The following ERBIN variants were observed in gnomAD, a reference collection of about 807,000 sequenced individuals.
ERBIN encodes densin-180-like protein.
ERBIN carries 60 observed loss-of-function variants against 158.4 expected under a neutral mutation model. The observed-to-expected ratio is 0.38, with a 90% CI of 0.31 to 0.47. ERBIN has a LOEUF of 0.47. Among genes scored for constraint, ERBIN ranks in the 20% least tolerant of loss-of-function variants. The probability of loss-of-function intolerance (pLI) is 0.99; values close to 1 mark genes in which losing one functional copy is unlikely to be tolerated. For missense variants in ERBIN, 1,610 were observed against 1,648.0 expected (o/e 0.98, Z 0.40); for synonymous variants, 594 against 557.2 (o/e 1.07, Z -0.93).
At chr5:65,947,013 A>G (rs1469427545) in intron 1 of ERBIN, among the ~76,000 whole-genome samples, 2 of 150,726 alleles carry the variant, frequency 1.3e-5, no homozygotes, top group Non-Finnish European at 2.9e-5. Flanking sequence ...CCGTTTTTGG[A>G]TATATAGTTT....
intron 4 of ERBIN, among the ~76,000 whole-genome samples, chr5:65,997,957 T>C (rs547967678): frequency 6.6e-6 from 1 of 151,926 alleles, no homozygotes; most frequent in Admixed American, 6.5e-5. Context: ...CAAAGTTATG[T>C]TGGCTCACGC....
chr5:66,062,089 T>C (rs1580509629), intron 21 of ERBIN, among the ~76,000 whole-genome samples: 1 of 152,082 alleles, frequency 6.6e-6, no homozygotes, highest in East Asian at 1.9e-4. Flanking sequence ...GAATGTTGGC[T>C]TGCCTTGCTA....
At chr5:65,962,627 T>G (rs1748048404) in intron 1 of ERBIN, among the ~76,000 whole-genome samples, 1 of 152,190 alleles carries the variant, frequency 6.6e-6, no homozygotes, top group South Asian at 2.1e-4. Flanking sequence ...TATCTTAAAT[T>G]ATTTTCCCCC....
intron 1 of ERBIN, among the ~76,000 whole-genome samples, chr5:65,934,099 T>G (rs1451029193): frequency 6.6e-6 from 1 of 152,184 alleles, no homozygotes; most frequent in Non-Finnish European, 1.5e-5. Flanking sequence ...GGTTTCACCG[T>G]GTTAGCCAGG....
chr5:65,929,381 G>C (rs985476151), intron 1 of ERBIN, among the ~76,000 whole-genome samples: 1 of 152,064 alleles, frequency 6.6e-6, no homozygotes, highest in African/African-American at 2.4e-5. Flanking sequence ...CTTTTGTTTT[G>C]GAAATAGATT....
At chr5:66,043,835 T>C (rs1389550717) in intron 16 of ERBIN, among the ~76,000 whole-genome samples, 1 of 152,172 alleles carries the variant, frequency 6.6e-6, no homozygotes, top group Non-Finnish European at 1.5e-5. Flanking sequence ...CTGAAAAATG[T>C]GTATCTGTTT....
At chr5:65,983,502 G>C (rs2151021964) in intron 1 of ERBIN, among the ~76,000 whole-genome samples, 1 of 151,734 alleles carries the variant, frequency 6.6e-6, no homozygotes, top group East Asian at 1.9e-4. Flanking sequence ...ATCAGTAAGG[G>C]GTTAATAATG....
intron 15 of ERBIN, among the ~76,000 whole-genome samples, chr5:66,042,696 T>C (rs1758028994): frequency 6.6e-6 from 1 of 152,130 alleles, no homozygotes; most frequent in South Asian, 2.1e-4. Flanking sequence ...AAGAACTTAG[T>C]ATATAATCCA....
intron 3 of ERBIN, among the ~76,000 whole-genome samples, chr5:65,994,045 C>T (rs1752169675): frequency 6.6e-6 from 1 of 152,068 alleles, no homozygotes; most frequent in South Asian, 2.1e-4. Flanking sequence ...TCAGTAAGAA[C>T]ATTTTGAAAG....
chr5:65,994,711 A>G (rs1752229874), intron 3 of ERBIN, 36 bp from the exon 4 acceptor site: 1 of 1,157,688 alleles, frequency 8.6e-7, no homozygotes, highest in African/African-American at 1.5e-5. Flanking sequence ...TTAAAGATGT[A>G]TATAATTGAC....
intron 4 of ERBIN, among the ~76,000 whole-genome samples, chr5:66,002,046 T>C (rs963398592): frequency 2.6e-5 from 4 of 152,154 alleles, no homozygotes; most frequent in African/African-American, 4.8e-5. Flanking sequence ...CTCCCACTTA[T>C]GAGCAAGAAC....
rs1756321726 is a variant in ERBIN, at chr5:66,026,958, C to A, written c.1136+541C>A. On this transcript the variant is annotated intron_variant, in intron 13 of 25. Coordinates refer to ENST00000284037, the MANE Select transcript of ERBIN (RefSeq NM_001253697.2). ...ATTTTCCTAGGCAGAGATCTGGTTT[C>A]AACAAAGCCAAGGTGCAGAGTAAAT... 1.3e-5 allele frequency among the ~76,000 whole-genome samples: 2 copies of A among 151,986 alleles called. 1 individual carries two copies. The highest frequency in any genetic ancestry group is 4.1e-4 in the South Asian group (2 of 4,822).
chr5:65,975,133 G>C (rs182960111), intron 1 of ERBIN, among the ~76,000 whole-genome samples: 1 of 151,952 alleles, frequency 6.6e-6, no homozygotes, highest in Non-Finnish European at 1.5e-5. Flanking sequence ...TCAGCCTCTC[G>C]AATAGCTGGG....
At chr5:66,060,869 C>T (rs1404186017) in intron 21 of ERBIN, among the ~76,000 whole-genome samples, 1 of 152,112 alleles carries the variant, frequency 6.6e-6, no homozygotes, top group South Asian at 2.1e-4. Flanking sequence ...GTTTCTTAAT[C>T]CTGAGTTCTA....
Position 66,023,373 on chromosome 5 carries a change from A to G in ERBIN, c.672+9A>G, listed in dbSNP as rs370901676. On this transcript the variant is annotated intron_variant, in intron 9 of 25. Transcript: ENST00000284037. ...TGACTTTTATTCCAGGGGTATGTAT[A>G]TGAGATTTTAAATGGCATCACTTAT... 11 of 1,581,034 alleles carry G rather than the reference A, an allele frequency of 7.0e-6. No individual in the cohort carries two copies. Among genetic ancestry groups the G allele is most frequent in the East Asian group, 6.8e-5 (3 of 44,330 alleles).
chr5:66,002,018 T>C (rs184079674), intron 4 of ERBIN, among the ~76,000 whole-genome samples: 1 of 152,204 alleles, frequency 6.6e-6, no homozygotes, highest in African/African-American at 2.4e-5. Flanking sequence ...CCTGCGTCCA[T>C]GTATTCTGAT....
chr5:65,935,010 A>G (rs1174029203), intron 1 of ERBIN, among the ~76,000 whole-genome samples: 1 of 152,116 alleles, frequency 6.6e-6, no homozygotes, highest in Non-Finnish European at 1.5e-5. Flanking sequence ...GTGGAAAATG[A>G]TACTTAGAAG....
chr5:65,952,393 G>C (rs1746613602), intron 1 of ERBIN, among the ~76,000 whole-genome samples: 1 of 151,902 alleles, frequency 6.6e-6, no homozygotes. Context: ...ATGCTTCCCA[G>C]GCACAAGTTC....
intron 1 of ERBIN, among the ~76,000 whole-genome samples, chr5:65,933,622 T>C (rs374320799): frequency 1.3e-5 from 2 of 152,272 alleles, no homozygotes; most frequent in East Asian, 3.9e-4. Context: ...AAAACTCATC[T>C]TTTTTGGAGA....
Sources: gnomAD v4.1 joint callset for allele counts (sites outside exome capture counted in the v4.1 genomes callset) on GRCh38, gnomAD v4.1.1 for gene constraint, MANE v1.5 for transcripts, NCBI Gene and HGNC (gene_info 2026-07-23, HGNC 2026-07-21) for gene names.